The following PLRG1 variants were observed in gnomAD, a reference collection of about 807,000 sequenced individuals.
PLRG1 encodes pleiotropic regulator 1 (PRL1 homolog, Arabidopsis).
A neutral mutation model predicts 74.9 loss-of-function variants in PLRG1; 28 were observed. The ratio of observed to expected loss-of-function variants is 0.37; its 90% CI spans 0.28 to 0.51. PLRG1 has a LOEUF of 0.51. PLRG1 is among the 20% of genes least tolerant of loss of function. The pLI is 0.91. For synonymous variants in PLRG1, 197 were observed against 212.4 expected, an observed-to-expected ratio of 0.93 and a Z score of 0.63; for missense variants, 445 against 631.9, an observed-to-expected ratio of 0.70 and a Z score of 3.17.
chr4:154,546,472 A>G (rs1236794480), intron 4 of PLRG1: 2 of 419,984 alleles, frequency 4.8e-6, no homozygotes, highest in East Asian at 9.2e-5. Context: ...GTTAATTTCC[A>G]TTATATTTGG....
rs1729442135 is a variant in PLRG1, at chr4:154,536,027, CACTT to C, written c.*654_*657del. On this transcript the variant is annotated 3_prime_UTR_variant, in exon 15 of 15. Coordinates refer to ENST00000499023, the MANE Select transcript of PLRG1 (RefSeq NM_002669.4). The stretch of plus-strand genomic sequence containing the variant: ...TTCACTTCAAGGTAATCTCCAATGC[CACTT>C]ACTCTATGAAGTCTTCCACAATCCT... 1 of 152,242 alleles carries C rather than the reference CACTT, an allele frequency of 6.6e-6. No homozygotes were observed. The highest frequency in any genetic ancestry group is 1.5e-5 in the Non-Finnish European group (1 of 68,164). The allele number at this position is 152,242 out of a possible 1,614,324, so 9.4% of individuals were successfully genotyped here.
At chr4:154,545,058 T>G (rs750943136) in intron 6 of PLRG1, among the ~76,000 whole-genome samples, 2 of 152,214 alleles carry the variant, frequency 1.3e-5, no homozygotes, top group Non-Finnish European at 2.9e-5. Flanking sequence ...ACAGGTATAC[T>G]GCCTGATATA....
chr4:154,536,486 G>A lies in PLRG1; in HGVS notation c.*199C>T. 1.9e-6 allele frequency: 1 copy of A among 530,464 alleles called. No homozygotes were observed. The highest frequency in any genetic ancestry group is 3.3e-6 in the Non-Finnish European group (1 of 302,712). The allele number at this position is 530,464 out of a possible 1,614,324, so 32.9% of individuals were successfully genotyped here. ...CTGCATCTTCCTAGTATCACAAATT[G>A]TTTTAGAAATAAAAACACAGGGGTA... is the stretch of plus-strand genomic sequence containing the variant. On this transcript the variant is annotated 3_prime_UTR_variant, in exon 15 of 15. Transcript: ENST00000499023.
At chr4:154,549,336 T>C (rs1316812463) in intron 1 of PLRG1, among the ~76,000 whole-genome samples, 1 of 152,236 alleles carries the variant, frequency 6.6e-6, no homozygotes, top group Non-Finnish European at 1.5e-5. Flanking sequence ...AGCAAGGCGC[T>C]GAGTCAGGGA....
intron 12 of PLRG1, 65 bp downstream of exon 12, chr4:154,539,040 T>C: frequency 2.1e-6 from 2 of 949,608 alleles, no homozygotes; most frequent in East Asian, 2.4e-5. Flanking sequence ...CTAACACCAC[T>C]AGCATTTCAG....
rs1729451735 is a variant in PLRG1 at position 154,536,433 on chromosome 4, G to A, written c.*252C>T. On this transcript the variant is annotated 3_prime_UTR_variant, in exon 15 of 15. Transcript: ENST00000499023. ...AAAATATTACATCTAGAATAGTTAT[G>A]TTCAATAAACCTGCATTTACTTGAT... 8.4e-6 allele frequency: 3 copies of A among 357,650 alleles called. No individual in the cohort carries two copies. The highest frequency in any genetic ancestry group is 1.5e-5 in the Non-Finnish European group (3 of 201,760). The allele number at this position is 357,650 out of a possible 1,614,324, so 22.2% of individuals were successfully genotyped here.
In PLRG1 at chr4:154,547,825, G is replaced by A. The variant is rs973995113; in HGVS notation, c.145C>T (p.Arg49Cys). The change falls in exon 3 of 15, where the codon CGT becomes TGT. Residue 49 changes from arginine (R) to cysteine (C), a missense_variant. Transcript: ENST00000499023. ...TGCAACACAGGACCATACTCATTAC[G>A]AAGCTTGATTGCCATTTTTCGTTTG... is the stretch of plus-strand genomic sequence containing the variant. The part of the protein sequence containing the change: ...SHKRKMAIKL[R>C]NEYGPVLHMP... The A allele has an allele frequency of 4.4e-6, 7 of 1,608,610 alleles. No individual in the cohort carries two copies. Among genetic ancestry groups the A allele is most frequent in the South Asian group, 3.3e-5 (3 of 89,582 alleles).
chr4:154,544,235 C>A (rs1056026293), intron 7 of PLRG1, among the ~76,000 whole-genome samples: 7 of 152,118 alleles, frequency 4.6e-5, no homozygotes, highest in African/African-American at 1.7e-4. Context: ...ACATTTCATA[C>A]TATTTTATAT....
At position 154,536,449 on chromosome 4, in the gene PLRG1, T is replaced by C. The variant is rs60732160; in HGVS notation, c.*236A>G. On this transcript the variant is annotated 3_prime_UTR_variant, in exon 15 of 15. Coordinates refer to ENST00000499023, the MANE Select transcript of PLRG1 (RefSeq NM_002669.4). ...AATAGTTATGTTCAATAAACCTGCATTTACTTGATATCTGCATCTTCCTAG... is the reference window on the plus strand; with the variant it reads ...AATAGTTATGTTCAATAAACCTGCACTTACTTGATATCTGCATCTTCCTAG... 121,485 of 417,276 alleles carry C rather than the reference T, an allele frequency of 0.29. 18,938 individuals carry two copies. Among genetic ancestry groups the C allele is most frequent in the Middle Eastern group, 0.35 (534 of 1,510 alleles). 25.8% of individuals were successfully genotyped at this position (417,276 alleles called of 1,614,324 possible).
At chr4:154,537,696 C>T (rs567754743) in intron 13 of PLRG1, among the ~76,000 whole-genome samples, 1 of 152,152 alleles carries the variant, frequency 6.6e-6, no homozygotes, top group Non-Finnish European at 1.5e-5. Context: ...ATCTGACATC[C>T]AATTCCAGAA....
chr4:154,547,024 G>A lies in PLRG1; in HGVS notation c.300C>T (p.Tyr100=), dbSNP rs1729669556. ...CAGCTCACTAACCAGGTCCTGGTGG[G>A]TATGGATGTGTACCTGCCACAAAGT... is the stretch of plus-strand genomic sequence containing the variant. ...VEYFVAGTHP[Y]PPGPGVALTA... The change falls in exon 4 of 15, where the codon TAC becomes TAT. Residue 100 remains tyrosine (Y), a synonymous_variant. Transcript: ENST00000499023. 6.2e-7 allele frequency: 1 copy of A among 1,610,242 alleles called. No individual in the cohort carries two copies. The highest frequency in any genetic ancestry group is 1.7e-5 in the Admixed American group (1 of 59,976).
intron 12 of PLRG1, 30 bp downstream of exon 12, chr4:154,539,075 A>C: frequency 7.9e-7 from 1 of 1,264,052 alleles, no homozygotes. Flanking sequence ...CTGAAGAAAA[A>C]CAAGAAGCTA....
In PLRG1 at chr4:154,536,205, G is replaced by A. The variant is rs1463459039; in HGVS notation, c.*480C>T. 3.8e-5 allele frequency: 6 copies of A among 158,426 alleles called. No individual in the cohort carries two copies. In the East Asian group the frequency reaches 1.1e-3, roughly 29 times the overall value. The allele number at this position is 158,426 out of a possible 1,614,324, so 9.8% of individuals were successfully genotyped here. A position where few individuals can be genotyped will look rare whatever the true frequency, so the allele number is the denominator to read the frequency against. ...GTCTATTTCCTGAACAGTATCTAGT[G>A]CAGAACTTTGTAGAACATACACTCA... On this transcript the variant is annotated 3_prime_UTR_variant, in exon 15 of 15. Transcript: ENST00000499023.
chr4:154,540,831 C>G lies in PLRG1; in HGVS notation c.791G>C (p.Cys264Ser). The G allele has an allele frequency of 6.2e-7, 1 of 1,613,788 alleles. No individual in the cohort carries two copies. The highest frequency in any genetic ancestry group is 1.3e-5 in the African/African-American group (1 of 75,024). ...VSTRSPYLFS[C>S]GEDKQVKCWD... Reference sequence around the variant, plus strand: ...GCATTTCACTTGTTTGTCTTCTCCACAAGAGAACAGATATGGGCTCCTTGT... The same window carrying G: ...GCATTTCACTTGTTTGTCTTCTCCAGAAGAGAACAGATATGGGCTCCTTGT... Residue 264 changes from cysteine to serine, a missense_variant, in exon 9 of 15, where the codon TGT becomes TCT. Cys to Ser is a moderately radical substitution (Grantham distance 112, BLOSUM62 -1). Transcript: ENST00000499023.
chr4:154,538,011 T>C lies in PLRG1; in HGVS notation c.1249A>G (p.Asn417Asp). Residue 417 changes from asparagine (N) to aspartate (D), a missense_variant, in exon 13 of 15, where the codon AAC becomes GAC. By Grantham distance (23) the Asn-to-Asp change is conservative. Transcript: ENST00000499023. ...CCATCAGAATTTACCGTCAATGTGT[T>C]AATAATAGCATTATGACCGGAAAGA... is the stretch of plus-strand genomic sequence containing the variant. ...QNLSGHNAII[N>D]TLTVNSDGVL... 1 of 1,557,706 alleles carries C rather than the reference T, an allele frequency of 6.4e-7. No individual in the cohort carries two copies. Among genetic ancestry groups the C allele is most frequent in the Non-Finnish European group, 8.8e-7 (1 of 1,140,742 alleles).
At chr4:154,548,279 T>TC (rs1234549245) in intron 2 of PLRG1, among the ~76,000 whole-genome samples, 1 of 152,310 alleles carries the variant, frequency 6.6e-6, no homozygotes, top group Admixed American at 6.5e-5. Context: ...GTTCAATATC[T>TC]TAAAAAGAAA....
At position 154,541,285 on chromosome 4, in the gene PLRG1, T is replaced by A. The variant is rs932967585; in HGVS notation, c.688-351A>T. On this transcript the variant is annotated intron_variant, in intron 8 of 14. Transcript: ENST00000499023. The stretch of plus-strand genomic sequence containing the variant: ...AATACAGATATGAAAAAGTTCACAC[T>A]CATTAGAAATTTCATACAAAGTTTT... Among the ~76,000 whole-genome samples the A allele has an allele frequency of 3.3e-5, 5 of 152,160 alleles. 1 individual carries two copies. In the South Asian group the frequency reaches 1.0e-3, roughly 32 times the overall value.
In PLRG1 at chr4:154,535,508, C is replaced by T. The variant is rs1055636435; in HGVS notation, c.*1177G>A. Reference sequence around the variant, plus strand: ...CAATTATACTCCCACCTATGGCATACAAGATGGGTAATGTAATTGGAAGTG... The same window carrying T: ...CAATTATACTCCCACCTATGGCATATAAGATGGGTAATGTAATTGGAAGTG... On this transcript the variant is annotated 3_prime_UTR_variant, in exon 15 of 15. Coordinates refer to ENST00000499023, the MANE Select transcript of PLRG1 (RefSeq NM_002669.4). 6.7e-6 allele frequency: 1 copy of T among 150,182 alleles called. No individual in the cohort carries two copies. Among genetic ancestry groups the T allele is most frequent in the Non-Finnish European group, 1.5e-5 (1 of 67,632 alleles). 9.3% of individuals were successfully genotyped at this position (150,182 alleles called of 1,614,324 possible). A position where few individuals can be genotyped will look rare whatever the true frequency, so the allele number is the denominator to read the frequency against.
chr4:154,548,036 C>G (rs1394671573), intron 2 of PLRG1, among the ~76,000 whole-genome samples, 183 bp from the exon 3 acceptor site: 4 of 152,174 alleles, frequency 2.6e-5, no homozygotes, highest in African/African-American at 9.7e-5. Context: ...TTCGACCACA[C>G]AGCATTCATT....
Sources: gnomAD v4.1 joint callset for allele counts (sites outside exome capture counted in the v4.1 genomes callset) on GRCh38, gnomAD v4.1.1 for gene constraint, MANE v1.5 for transcripts, NCBI Gene and HGNC (gene_info 2026-07-23, HGNC 2026-07-21) for gene names.